Variants in BRD4 observed in about 807,000 individuals in gnomAD.
BRD4 encodes bromodomain-containing protein 4.
BRD4 carries 16 observed loss-of-function variants against 142.1 expected under a neutral mutation model. The ratio of observed to expected loss-of-function variants is 0.11; its 90% CI spans 0.08 to 0.17. The LOEUF (loss-of-function observed/expected upper bound fraction) is 0.17. Among genes scored for constraint, BRD4 ranks in the 10% least tolerant of loss-of-function variants. The pLI, the probability that BRD4 is intolerant of heterozygous loss-of-function variation, is 1.00. For synonymous variants in BRD4, 833 were observed against 707.5 expected (o/e 1.18, Z -2.82); for missense variants, 1,424 against 1,810.9 (o/e 0.79, Z 3.88).
At chr19:15,240,073 C>T (rs745589717) in intron 14 of BRD4, 51 bp from the exon 15 acceptor site, 1 of 1,553,022 alleles carries the variant, frequency 6.4e-7, no homozygotes, top group South Asian at 1.2e-5. Flanking sequence ...GAACTGCTGG[C>T]CCTGAGAGAA....
intron 14 of BRD4, among the ~76,000 whole-genome samples, chr19:15,241,073 G>A (rs1389244791): frequency 6.6e-6 from 1 of 152,242 alleles, no homozygotes; most frequent in Non-Finnish European, 1.5e-5. Flanking sequence ...AACGCCAGAA[G>A]ACACTGCAGC....
chr19:15,269,102 G>A (rs2047561632), intron 2 of BRD4, 60 bp from the exon 3 acceptor site: 7 of 1,587,470 alleles, frequency 4.4e-6, no homozygotes, highest in Non-Finnish European at 6.0e-6. Context: ...ACAAACGCTG[G>A]GCTGGCCAGG....
intron 1 of BRD4, among the ~76,000 whole-genome samples, chr19:15,295,860 A>G (rs1027939010): frequency 1.3e-5 from 2 of 152,210 alleles, no homozygotes; most frequent in Non-Finnish European, 2.9e-5. Context: ...AATCCCAGCT[A>G]TTCGGAAGAC....
rs1452157836 is a variant in BRD4, at chr19:15,235,567, A to T, written c.*2810T>A. On this transcript the variant is annotated 3_prime_UTR_variant, in exon 20 of 20. Transcript: ENST00000679869. ...TTTATTTTTGCAATGAGAACTGCACAAAAAAAAAAAAAAACCTTTCGTATG... is the reference window on the plus strand; with the variant it reads ...TTTATTTTTGCAATGAGAACTGCACTAAAAAAAAAAAAAACCTTTCGTATG... 3.1e-5 allele frequency: 3 copies of T among 97,066 alleles called. No individual in the cohort carries two copies. Among genetic ancestry groups the T allele is most frequent in the Non-Finnish European group, 4.7e-5 (2 of 42,844 alleles). The allele number at this position is 97,066 out of a possible 1,614,324, so 6.0% of individuals were successfully genotyped here.
In BRD4 at chr19:15,237,945, TG is replaced by T. The variant is rs1170959550; in HGVS notation, c.*431del. On this transcript the variant is annotated 3_prime_UTR_variant, in exon 20 of 20. Transcript: ENST00000679869. ...CCTCCTGGGAGCGGGCGGCGATGGC[TG>T]GGGTGTGGGGAAAGACTCCCGGCGG... The T allele has an allele frequency of 8.3e-6, 2 of 240,780 alleles. No homozygotes were observed. Among genetic ancestry groups the T allele is most frequent in the East Asian group, 1.2e-4 (2 of 16,660 alleles). 14.9% of individuals were successfully genotyped at this position (240,780 alleles called of 1,614,324 possible).
Position 15,284,531 on chromosome 19 carries a change from G to A in BRD4, c.-34-11398C>T, listed in dbSNP as rs560021179. ...ACAGAAGCCTTTGATGGTCAATGCC[G>A]TCCTAGGTAAACAGGCCAAGGGGTC... is the stretch of plus-strand genomic sequence containing the variant. On this transcript the variant is annotated intron_variant, in intron 1 of 19. Coordinates refer to ENST00000679869, the MANE Select transcript of BRD4 (RefSeq NM_001379291.1). Among the ~76,000 whole-genome samples, 24 of 152,260 alleles carry A rather than the reference G, an allele frequency of 1.6e-4. No homozygotes were observed. The East Asian group carries it at 2.5e-3, about 16-fold the overall frequency.
Position 15,237,255 on chromosome 19 carries a change from G to A in BRD4, c.*1122C>T. On this transcript the variant is annotated 3_prime_UTR_variant, in exon 20 of 20. Transcript: ENST00000679869. ...AAGCCAACAAATGGGTGGGGGGGGG[G>A]GGGGTGGAGGGGAAAGAAAAGAAAT... 1 of 112,684 alleles carries A rather than the reference G, an allele frequency of 8.9e-6. No homozygotes were observed. The highest frequency in any genetic ancestry group is 1.7e-5 in the Non-Finnish European group (1 of 57,966). 7.0% of individuals were successfully genotyped at this position (112,684 alleles called of 1,614,324 possible).
At chr19:15,286,376 AG>A (rs1365407087) in intron 1 of BRD4, among the ~76,000 whole-genome samples, 1 of 152,188 alleles carries the variant, frequency 6.6e-6, no homozygotes, top group Non-Finnish European at 1.5e-5. Flanking sequence ...CAGCAGAGAC[AG>A]GGAAGTAATA....
chr19:15,311,918 G>C (rs914011281), intron 1 of BRD4, among the ~76,000 whole-genome samples: 9 of 152,324 alleles, frequency 5.9e-5, no homozygotes, highest in African/African-American at 1.9e-4. Flanking sequence ...GCTGCCACAG[G>C]CTGGGAGAAA....
intron 1 of BRD4, among the ~76,000 whole-genome samples, chr19:15,284,373 G>GGA (rs2047726041): frequency 6.6e-6 from 1 of 152,176 alleles, no homozygotes; most frequent in Non-Finnish European, 1.5e-5. Flanking sequence ...GTCCCTGGCT[G>GGA]ACAAAGCAGG....
At chr19:15,307,576 C>T (rs1032799631) in intron 1 of BRD4, among the ~76,000 whole-genome samples, 4 of 152,132 alleles carry the variant, frequency 2.6e-5, no homozygotes, top group African/African-American at 9.7e-5. Flanking sequence ...GCACAAAATG[C>T]AACACTGAGT....
At chr19:15,311,217 A>AGGAGGC (rs2047967408) in intron 1 of BRD4, among the ~76,000 whole-genome samples, 2 of 151,832 alleles carry the variant, frequency 1.3e-5, no homozygotes, top group Admixed American at 1.3e-4. Context: ...GCTTGAGCAC[A>AGGAGGC]GGAGGCGGAG....
chr19:15,317,032 T>A (rs889685288), intron 1 of BRD4, among the ~76,000 whole-genome samples: 1 of 152,168 alleles, frequency 6.6e-6, no homozygotes, highest in African/African-American at 2.4e-5. Context: ...ATCCAAACCA[T>A]CTGAGTTCAC....
At chr19:15,256,607 A>T (rs2047411742) in intron 8 of BRD4, among the ~76,000 whole-genome samples, 1 of 152,148 alleles carries the variant, frequency 6.6e-6, no homozygotes, top group Non-Finnish European at 1.5e-5. Context: ...CACGTCAGGC[A>T]CGAAGGGCCT....
intron 1 of BRD4, among the ~76,000 whole-genome samples, chr19:15,317,784 G>A (rs2048029279): frequency 1.3e-5 from 2 of 152,210 alleles, no homozygotes; most frequent in South Asian, 2.1e-4. Context: ...CAACTCAAAA[G>A]GGCCCAATAG....
At chr19:15,268,446 G>A (rs1389905639) in intron 3 of BRD4, among the ~76,000 whole-genome samples, 2 of 152,224 alleles carry the variant, frequency 1.3e-5, no homozygotes, top group Non-Finnish European at 2.9e-5. Context: ...ATCACCCACA[G>A]AGCAACTGAG....
Position 15,265,407 on chromosome 19 carries a change from G to A in BRD4, c.796C>T (p.Gln266Ter). 6.5e-7 allele frequency: 1 copy of A among 1,546,794 alleles called. No individual in the cohort carries two copies. Among genetic ancestry groups the A allele is most frequent in the Non-Finnish European group, 8.7e-7 (1 of 1,147,052 alleles). Residue 266 changes from glutamine (Q) to a stop codon, truncating the protein, a stop_gained, in exon 5 of 20, where the codon CAG becomes TAG. Transcript: ENST00000679869. LOFTEE classifies it high-confidence loss of function. ...ATGGGTGGGTGGCTCTGTACGGGCT[G>A]GGGAGCTGGAGCGGGTGGGGGTTGT... ...QPQPPPAPAP[Q>*]PVQSHPPIIA...
chr19:15,311,758 C>T (rs1193845845), intron 1 of BRD4, among the ~76,000 whole-genome samples: 1 of 151,390 alleles, frequency 6.6e-6, no homozygotes, highest in Non-Finnish European at 1.5e-5. Context: ...GCCAACATCG[C>T]GCCATTGCAC....
In BRD4 at chr19:15,238,824, C is replaced by A; in HGVS notation, c.3939G>T (p.Gln1313His). Residue 1313 changes from glutamine to histidine, a missense_variant, in exon 19 of 20, where the codon CAG (glutamine) becomes CAT (histidine). Physicochemically the swap from Gln to His is conservative, Grantham distance 24. Coordinates refer to ENST00000679869, the MANE Select transcript of BRD4 (RefSeq NM_001379291.1). This position sits in a 1 kb window ranked among gnomAD's most constrained non-coding sequence, Gnocchi z 7.2. ...CCAGCATGGACTGGGGCTGGGAGCT[C>A]TGGGCCTGTGGGGTGGCGGCGGCAG... ...AVAAAATPQA[Q>H]SSQPQSMLDQ... is the part of the protein sequence containing the mutation. 1 of 1,604,762 alleles carries A rather than the reference C, an allele frequency of 6.2e-7. No homozygotes were observed. The highest frequency in any genetic ancestry group is 8.5e-7 in the Non-Finnish European group (1 of 1,175,356).
Sources: gnomAD v4.1 joint callset for allele counts (sites outside exome capture counted in the v4.1 genomes callset) on GRCh38, gnomAD v4.1.1 for gene constraint, Gnocchi (gnomAD v3.1) non-coding constraint, MANE v1.5 for transcripts, NCBI Gene and HGNC (gene_info 2026-07-23, HGNC 2026-07-21) for gene names.